The following PON1 variants were observed in gnomAD, a reference collection of about 807,000 sequenced individuals.
PON1 encodes paraoxonase 1.
Under a neutral mutation model 39.2 loss-of-function variants are expected in PON1, and 37 were observed. The observed-to-expected ratio is 0.94, with a 90% CI of 0.73 to 1.24. The LOEUF is 1.24. Ranked by LOEUF, PON1 falls within the 50% of genes most tolerant of loss-of-function variation. The probability of loss-of-function intolerance (pLI) is 0.00; values close to 1 mark genes in which losing one functional copy is unlikely to be tolerated. For missense variants in PON1, 397 were observed against 413.5 expected (o/e 0.96, Z 0.35); for synonymous variants, 148 against 152.2 (o/e 0.97, Z 0.21).
At position 95,324,523 on chromosome 7, in the gene PON1, AG is replaced by A; in HGVS notation, c.-49del. The A allele has an allele frequency of 2.5e-6, 4 of 1,572,358 alleles. No homozygotes were observed. The highest frequency in any genetic ancestry group is 3.5e-6 in the Non-Finnish European group (4 of 1,145,230). On this transcript the variant is annotated 5_prime_UTR_variant, in exon 1 of 9. Coordinates refer to ENST00000222381, the MANE Select transcript of PON1 (RefSeq NM_000446.7). ...CGATGGGCGCAGACACCGACGGGCTAGGAGGCTCTGCCTGCCTGCAGCCGCA... is the reference window on the plus strand; with the variant it reads ...CGATGGGCGCAGACACCGACGGGCTAGAGGCTCTGCCTGCCTGCAGCCGCA...
chr7:95,302,096 CAA>C (rs770841829), intron 8 of PON1, 107 bp downstream of exon 8: 7,305 of 307,482 alleles, frequency 0.024, no homozygotes, highest in Middle Eastern at 0.027. Context: ...TACTCTGTCA[CAA>C]AAAAAAAAAA....
intron 7 of PON1, 122 bp from the exon 8 acceptor site, chr7:95,302,455 T>C: frequency 2.5e-6 from 2 of 810,680 alleles, no homozygotes; most frequent in Admixed American, 2.1e-5. Context: ...CTTCCAAGGA[T>C]ACAATTCTGC....
At chr7:95,307,902 C>T (rs1054106813) in intron 6 of PON1, 109 bp downstream of exon 6, 52 of 1,102,756 alleles carry the variant, frequency 4.7e-5, no homozygotes, top group Non-Finnish European at 6.7e-5. Context: ...AATTTTATCT[C>T]ACTAGGGTAA....
chr7:95,306,204 C>T, intron 7 of PON1, 81 bp downstream of exon 7: 1 of 1,268,210 alleles, frequency 7.9e-7, no homozygotes, highest in Non-Finnish European at 1.1e-6. Context: ...TTAAGCAGTC[C>T]TTTTTTCTTC....
intron 1 of PON1, among the ~76,000 whole-genome samples, chr7:95,319,577 A>C (rs1807851292): frequency 6.6e-6 from 1 of 152,188 alleles, no homozygotes; most frequent in South Asian, 2.1e-4. Context: ...TAGATGATGA[A>C]GGCTTGGACT....
At chr7:95,311,724 T>C (rs1210832042) in intron 4 of PON1, 147 bp from the exon 5 acceptor site, 2 of 882,212 alleles carry the variant, frequency 2.3e-6, no homozygotes, top group South Asian at 1.6e-5. Flanking sequence ...GAGAGAAGCA[T>C]TGGTGATTGC....
chr7:95,300,551 G>A (rs971445061), intron 8 of PON1, among the ~76,000 whole-genome samples: 5 of 152,148 alleles, frequency 3.3e-5, no homozygotes, highest in Admixed American at 2.6e-4. Flanking sequence ...GTAGTTACAG[G>A]GAAATAGTTG....
intron 1 of PON1, among the ~76,000 whole-genome samples, chr7:95,323,727 C>T (rs1164284381): frequency 6.6e-6 from 1 of 152,176 alleles, no homozygotes; most frequent in Non-Finnish European, 1.5e-5. Flanking sequence ...GCTACTCTGT[C>T]GCAGGCAGTG....
intron 5 of PON1, 63 bp downstream of exon 5, chr7:95,311,388 C>T: frequency 6.3e-7 from 1 of 1,598,742 alleles, no homozygotes; most frequent in Admixed American, 1.7e-5. Context: ...AAAGGAAAAA[C>T]TAAAAGTGGA....
intron 2 of PON1, 108 bp downstream of exon 2, chr7:95,318,215 G>A: frequency 1.1e-6 from 1 of 922,518 alleles, no homozygotes; most frequent in South Asian, 1.3e-5. Flanking sequence ...TGACTCTCCT[G>A]ATTCAAAATT....
intron 4 of PON1, among the ~76,000 whole-genome samples, chr7:95,314,143 G>A (rs921409737): frequency 1.3e-5 from 2 of 152,200 alleles, no homozygotes; most frequent in South Asian, 4.2e-4. Context: ...AGGATTGCCT[G>A]AGCTCAGGAG....
chr7:95,324,451 G>T lies in PON1; in HGVS notation c.25C>A (p.Leu9Ile), dbSNP rs1226777136. Reference protein sequence around the residue: MAKLIALTLLGMGLALFRN... With the variant: MAKLIALTILGMGLALFRN... Reference sequence around the variant, plus strand: ...AAGAGTGCCAGTCCCATCCCCAAGAGGGTGAGCGCAATCAGCTTCGCCATG... The same window carrying T: ...AAGAGTGCCAGTCCCATCCCCAAGATGGTGAGCGCAATCAGCTTCGCCATG... The change falls in exon 1 of 9, where the codon CTC (leucine) becomes ATC (isoleucine). Residue 9 changes from leucine (L) to isoleucine (I), a missense_variant. Leu to Ile is a conservative substitution (Grantham distance 5). Coordinates refer to ENST00000222381, the MANE Select transcript of PON1 (RefSeq NM_000446.7). The T allele has an allele frequency of 1.2e-6, 2 of 1,614,196 alleles. No individual in the cohort carries two copies. Among genetic ancestry groups the T allele is most frequent in the Non-Finnish European group, 1.7e-6 (2 of 1,180,036 alleles).
chr7:95,306,213 TCACA>T, intron 7 of PON1, 68 bp downstream of exon 7: 1 of 1,338,376 alleles, frequency 7.5e-7, no homozygotes, highest in South Asian at 1.2e-5. Flanking sequence ...CCTTTTTTCT[TCACA>T]TTTAATTTCA....
chr7:95,309,174 C>T (rs931015743), intron 5 of PON1, among the ~76,000 whole-genome samples: 6 of 152,054 alleles, frequency 3.9e-5, no homozygotes, highest in Non-Finnish European at 5.9e-5. Context: ...TCATACAGCT[C>T]ATTAGTAGAA....
chr7:95,308,163 ATT>A lies in PON1; in HGVS notation c.544_545del (p.Asn182Ter). 4 of 1,614,182 alleles carry A rather than the reference ATT, an allele frequency of 2.5e-6. No homozygotes were observed. The South Asian group carries it at 3.3e-5, about 13-fold the overall frequency. ...AGTAGGGGTCAAGAAAATAGTGATC[ATT>A]TGTGCCATAAAAGTGCTCAGGTCCC... Reference protein sequence around the residue: ...AVGPEHFYGTNDHYFLDPYLQ... With the variant: ...AVGPEHFYGTXDHYFLDPYLQ... On this transcript the variant is annotated frameshift_variant, in exon 6 of 9. Transcript: ENST00000222381. LOFTEE classifies it high-confidence loss of function.
Position 95,318,386 on chromosome 7 carries a change from G to A in PON1, c.82C>T (p.Leu28Phe), listed in dbSNP as rs747905594. The A allele has an allele frequency of 6.8e-6, 11 of 1,606,634 alleles. No homozygotes were observed. The African/African-American group carries it at 9.4e-5, about 14-fold the overall frequency. ...RNHQSSYQTR[L>F]NALREVQPVE... ...GGTTGTACCTCTCGGAGAGCATTAAGTCGTGTTCTGTGGGGGAGAAAGAAA... is the reference window on the plus strand; with the variant it reads ...GGTTGTACCTCTCGGAGAGCATTAAATCGTGTTCTGTGGGGGAGAAAGAAA... Residue 28 changes from leucine to phenylalanine, a missense_variant, in exon 2 of 9, where the codon CTT becomes TTT. Transcript: ENST00000222381.
Position 95,324,053 on chromosome 7 carries a change from CAGG to C in PON1, c.74+346_74+348del, listed in dbSNP as rs530333373. ...CTCCTTTCTCTAATACACAAAATAT[CAGG>C]AGAACCCCCAGCCAGGTTAGTTTGT... On this transcript the variant is annotated intron_variant, in intron 1 of 8. Coordinates refer to ENST00000222381, the MANE Select transcript of PON1 (RefSeq NM_000446.7). Among the ~76,000 whole-genome samples the C allele has an allele frequency of 5.5e-4, 84 of 152,338 alleles. 1 individual carries two copies. The highest frequency in any genetic ancestry group is 1.9e-3 in the African/African-American group (77 of 41,584).
intron 2 of PON1, among the ~76,000 whole-genome samples, chr7:95,317,748 C>A (rs1807803465): frequency 6.6e-6 from 1 of 152,090 alleles, no homozygotes. Flanking sequence ...ACCGTTTTAT[C>A]TTTGCTGACA....
At position 95,304,714 on chromosome 7, in the gene PON1, C is replaced by A. The variant is rs184143638; in HGVS notation, c.780+1571G>T. Among the ~76,000 whole-genome samples, 19 of 152,252 alleles carry A rather than the reference C, an allele frequency of 1.2e-4. 1 individual carries two copies. Among genetic ancestry groups the A allele is most frequent in the Admixed American group, 1.2e-3 (19 of 15,292 alleles). ...CACCTCATCACAAATTTAAGAATAGCCTCAGCTAGTTTATCAAATTACTTG... is the reference window on the plus strand; with the variant it reads ...CACCTCATCACAAATTTAAGAATAGACTCAGCTAGTTTATCAAATTACTTG... On this transcript the variant is annotated intron_variant, in intron 7 of 8. Transcript: ENST00000222381.
Sources: allele counts gnomAD v4.1 joint callset (sites outside exome capture counted in the v4.1 genomes callset), GRCh38; gene constraint gnomAD v4.1.1; transcripts MANE v1.5; gene names NCBI Gene and HGNC (gene_info 2026-07-23, HGNC 2026-07-21).